Variants in RALYL observed in about 807,000 individuals in gnomAD.
The protein encoded by RALYL is RALY RNA binding protein like.
RALYL carries 29 observed loss-of-function variants against 35.1 expected under a neutral mutation model. That is an observed-to-expected ratio of 0.83 (90% CI 0.61 to 1.13). The LOEUF (loss-of-function observed/expected upper bound fraction) is 1.13, where lower values mean the gene tolerates loss of function less well. RALYL is among the 50% of genes most tolerant of loss of function. The pLI is 0.00. For missense variants in RALYL, 359 were observed against 360.4 expected, an observed-to-expected ratio of 1.00 and a Z score of 0.03; for synonymous variants, 120 against 127.6, an observed-to-expected ratio of 0.94 and a Z score of 0.40.
chr8:84,416,100 C>A (rs2044670601), intron 1 of RALYL, among the ~76,000 whole-genome samples: 1 of 151,990 alleles, frequency 6.6e-6, no homozygotes, highest in African/African-American at 2.4e-5. Context: ...CAATTGACAC[C>A]CTTTGGCAAT....
At chr8:84,872,396 G>A (rs936769245) in intron 6 of RALYL, 1 of 152,078 alleles carries the variant, frequency 6.6e-6, no homozygotes, top group African/African-American at 2.4e-5. Context: ...GAAAAATAAG[G>A]ACAGTGCAGT....
chr8:84,806,608 G>A (rs1024029707), intron 4 of RALYL, among the ~76,000 whole-genome samples: 1 of 151,556 alleles, frequency 6.6e-6, no homozygotes, highest in Non-Finnish European at 1.5e-5. Context: ...AATGCTCAAA[G>A]TGGGAAAATT....
At chr8:84,666,896 C>G (rs1324088973) in intron 2 of RALYL, among the ~76,000 whole-genome samples, 1 of 152,054 alleles carries the variant, frequency 6.6e-6, no homozygotes, top group Non-Finnish European at 1.5e-5. Flanking sequence ...GCTGGGCACT[C>G]TGGTGGTAGT....
Position 84,529,597 on chromosome 8 carries a change from G to T in RALYL, c.256+20G>T, listed in dbSNP as rs778327186. ...CACTTGGTAAGTCATGCTCAGACAT[G>T]GATCTCACGTTATTGTTCATATATC... On this transcript the variant is annotated intron_variant, in intron 2 of 8. Coordinates refer to ENST00000521268, the MANE Select transcript of RALYL (RefSeq NM_173848.7). 2 of 1,594,956 alleles carry T rather than the reference G, an allele frequency of 1.3e-6. No homozygotes were observed. The highest frequency in any genetic ancestry group is 1.7e-6 in the Non-Finnish European group (2 of 1,165,546).
intron 7 of RALYL, among the ~76,000 whole-genome samples, chr8:84,877,355 C>T (rs1248135956): frequency 6.6e-6 from 1 of 151,994 alleles, no homozygotes; most frequent in African/African-American, 2.4e-5. Context: ...GATGTGGTGG[C>T]ACATGCCTGT....
At chr8:84,380,002 T>C (rs893013096) in intron 1 of RALYL, among the ~76,000 whole-genome samples, 1 of 151,910 alleles carries the variant, frequency 6.6e-6, no homozygotes, top group African/African-American at 2.4e-5. Context: ...TTGTGTTTTA[T>C]CACCCATCAG....
chr8:84,693,398 T>C (rs1838477310), intron 2 of RALYL, among the ~76,000 whole-genome samples: 1 of 151,914 alleles, frequency 6.6e-6, no homozygotes. Context: ...AAGCCCATTA[T>C]AAAACCAACA....
At chr8:84,315,308 C>T (rs2130124003) in intron 1 of RALYL, among the ~76,000 whole-genome samples, 1 of 152,238 alleles carries the variant, frequency 6.6e-6, no homozygotes, top group South Asian at 2.1e-4. Context: ...TTGATGAAGT[C>T]TCTATGTACT....
At chr8:84,617,377 G>A (rs1453793372) in intron 2 of RALYL, among the ~76,000 whole-genome samples, 1 of 149,802 alleles carries the variant, frequency 6.7e-6, no homozygotes, top group Non-Finnish European at 1.5e-5. Flanking sequence ...GTTCACTCAT[G>A]ATTTGGCTCT....
intron 2 of RALYL, among the ~76,000 whole-genome samples, chr8:84,535,640 A>ATTTTATTTTATTTTATTTTAT (rs1554711631): frequency 1.6e-5 from 2 of 124,792 alleles, no homozygotes; most frequent in African/African-American, 6.0e-5. Context: ...ATTTTATTTT[A>ATTTTATTTTATTTTATTTTAT]TTTTTTGTAT....
intron 5 of RALYL, among the ~76,000 whole-genome samples, chr8:84,856,127 A>G (rs1195054634): frequency 6.6e-6 from 1 of 152,224 alleles, no homozygotes; most frequent in Non-Finnish European, 1.5e-5. Flanking sequence ...TTTGAAAATA[A>G]CAGCATGGTA....
At chr8:84,486,398 C>T (rs922849987) in intron 1 of RALYL, among the ~76,000 whole-genome samples, 12 of 151,266 alleles carry the variant, frequency 7.9e-5, no homozygotes, top group African/African-American at 2.7e-4. Flanking sequence ...CTTGTATCTG[C>T]ATTTATTTGG....
At chr8:84,695,720 G>A (rs192922039) in intron 2 of RALYL, among the ~76,000 whole-genome samples, 86 of 151,838 alleles carry the variant, frequency 5.7e-4, no homozygotes, top group Middle Eastern at 3.4e-3. Context: ...ATGAGAAATT[G>A]TTTGCACCGT....
intron 8 of RALYL, among the ~76,000 whole-genome samples, chr8:84,896,906 C>T (rs777726930): frequency 6.6e-6 from 1 of 152,132 alleles, no homozygotes; most frequent in Non-Finnish European, 1.5e-5. Flanking sequence ...ATACAGGACA[C>T]TCAGTTAAAG....
intron 1 of RALYL, among the ~76,000 whole-genome samples, chr8:84,431,017 A>G (rs189518766): frequency 7.2e-5 from 11 of 152,272 alleles, no homozygotes; most frequent in Admixed American, 6.5e-4. Context: ...CTTCTTCTGT[A>G]AAGTAGGGCA....
At chr8:84,539,912 A>G (rs980204599) in intron 2 of RALYL, among the ~76,000 whole-genome samples, 35 of 143,662 alleles carry the variant, frequency 2.4e-4, no homozygotes, top group Non-Finnish European at 4.6e-4. Context: ...GTGTGTGTAC[A>G]TGCACAGACA....
Position 84,418,382 on chromosome 8 carries a change from A to C in RALYL, c.-23-110917A>C, listed in dbSNP as rs118142176. Among the ~76,000 whole-genome samples, 63 of 152,300 alleles carry C rather than the reference A, an allele frequency of 4.1e-4. 2 individuals are homozygous for C. The East Asian group carries it at 0.011, about 26-fold the overall frequency. ...ATACCCTGGCACATATTAGGTACTCAGTGAATGTTAGCTAGTATTACAAAT... is the reference window on the plus strand; with the variant it reads ...ATACCCTGGCACATATTAGGTACTCCGTGAATGTTAGCTAGTATTACAAAT... On this transcript the variant is annotated intron_variant, in intron 1 of 8. Coordinates refer to ENST00000521268, the MANE Select transcript of RALYL (RefSeq NM_173848.7).
chr8:84,625,061 T>C (rs1328925949), intron 2 of RALYL, among the ~76,000 whole-genome samples: 1 of 152,198 alleles, frequency 6.6e-6, no homozygotes, highest in Non-Finnish European at 1.5e-5. Flanking sequence ...AATTATGTCA[T>C]AGTGTCCTTT....
At chr8:84,714,748 G>T (rs16913156) in intron 2 of RALYL, among the ~76,000 whole-genome samples, 3,117 of 151,910 alleles carry the variant, frequency 0.021, 121 homozygotes, top group African/African-American at 0.071. Flanking sequence ...AGTTTTGTAA[G>T]TCAATGGTTA....
Sources: gnomAD v4.1 joint callset for allele counts (sites outside exome capture counted in the v4.1 genomes callset) on GRCh38, gnomAD v4.1.1 for gene constraint, MANE v1.5 for transcripts, NCBI Gene and HGNC (gene_info 2026-07-23, HGNC 2026-07-21) for gene names.